BTBD1: variants seen among roughly 807,000 people sequenced by gnomAD.
BTBD1 encodes BTB/POZ domain-containing protein 1.
In BTBD1, 34 loss-of-function variants were observed where a neutral mutation model predicts 48.0. The ratio of observed to expected loss-of-function variants is 0.71; its 90% CI spans 0.54 to 0.94. BTBD1 has a LOEUF of 0.94. Among genes scored for constraint, BTBD1 ranks in the 40% least tolerant of loss-of-function variants. BTBD1 has a pLI of 0.00. For missense variants in BTBD1, 543 were observed against 625.6 expected (o/e 0.87, Z 1.41); for synonymous variants, 261 against 242.1 (o/e 1.08, Z -0.72).
At chr15:83,066,686 G>A (rs1411953632) in intron 1 of BTBD1, 65 bp downstream of exon 1, 1 of 1,264,502 alleles carries the variant, frequency 7.9e-7, no homozygotes. Flanking sequence ...GCCGGGCCCC[G>A]GGGATCTCCC....
intron 3 of BTBD1, chr15:83,044,797 A>C (rs2032844730): frequency 5.3e-6 from 7 of 1,317,216 alleles, no homozygotes; most frequent in Non-Finnish European, 6.5e-6. Flanking sequence ...TTTGGACAGG[A>C]GTTAACTAAT....
chr15:83,022,963 C>A (rs2032330662), intron 5 of BTBD1, among the ~76,000 whole-genome samples: 1 of 151,906 alleles, frequency 6.6e-6, no homozygotes, highest in East Asian at 1.9e-4. Context: ...CCACCTCAAT[C>A]AATAAATAAA....
intron 3 of BTBD1, among the ~76,000 whole-genome samples, chr15:83,048,240 G>C (rs989965077): frequency 1.3e-5 from 2 of 152,274 alleles, no homozygotes; most frequent in Non-Finnish European, 2.9e-5. Flanking sequence ...TGTTAAGGAA[G>C]ACTGAAAACA....
rs185470655 is a variant in BTBD1, at chr15:83,051,785, T to C, written c.559-1607A>G. ...CAAATTTATAGAAAAGTTGAAAAGA[T>C]AGTGCAATGAAAACCCATATACCCT... On this transcript the variant is annotated intron_variant, in intron 2 of 7. Transcript: ENST00000261721. Among the ~76,000 whole-genome samples, 311 of 151,998 alleles carry C rather than the reference T, an allele frequency of 2.0e-3. 5 individuals are homozygous for C. The South Asian group carries it at 0.021, about 10-fold the overall frequency.
chr15:83,066,424 T>C (rs575660813), intron 1 of BTBD1, among the ~76,000 whole-genome samples: 174 of 152,334 alleles, frequency 1.1e-3, no homozygotes, highest in African/African-American at 4.0e-3. Context: ...GACAACCTGA[T>C]CTGCCCCTCT....
chr15:83,050,111 T>C lies in BTBD1; in HGVS notation c.626A>G (p.Asp209Gly), dbSNP rs1482826660. 1.2e-6 allele frequency: 2 copies of C among 1,613,124 alleles called. No individual in the cohort carries two copies. Among genetic ancestry groups the C allele is most frequent in the Non-Finnish European group, 8.5e-7 (1 of 1,179,442 alleles). Residue 209 changes from aspartate (D) to glycine (G), a missense_variant, in exon 3 of 8, where the codon GAT (aspartate) becomes GGT (glycine). Physicochemically the swap from Asp to Gly is moderately conservative, Grantham distance 94. Around this residue, in one of 3 missense-constraint regions of BTBD1, gnomAD observed 300 missense variants for 350.0 expected, o/e 0.86. Coordinates refer to ENST00000261721, the MANE Select transcript of BTBD1 (RefSeq NM_025238.4). ...CLDTIDKSTM[D>G]AISAEGFTDI... ...AGTAAACCCTTCTGCACTTATTGCATCCATTGTGCTTTTGTCTATTGTATC... is the reference window on the plus strand; with the variant it reads ...AGTAAACCCTTCTGCACTTATTGCACCCATTGTGCTTTTGTCTATTGTATC...
At chr15:83,051,473 A>ATT (rs1312954762) in intron 2 of BTBD1, among the ~76,000 whole-genome samples, 2 of 147,504 alleles carry the variant, frequency 1.4e-5, no homozygotes, top group South Asian at 4.2e-4. Context: ...TATTTTAAAA[A>ATT]TTATATATAT....
rs150931840 is a variant in BTBD1, at chr15:83,052,374, T to C, written c.559-2196A>G. Reference sequence around the variant, plus strand: ...GGATTTTTGGTGTGAGCCATCAGGTTTGAAGGGCTTTTACTCTTAAATTTC... The same window carrying C: ...GGATTTTTGGTGTGAGCCATCAGGTCTGAAGGGCTTTTACTCTTAAATTTC... On this transcript the variant is annotated intron_variant, in intron 2 of 7. Coordinates refer to ENST00000261721, the MANE Select transcript of BTBD1 (RefSeq NM_025238.4). Among the ~76,000 whole-genome samples, 572 of 152,192 alleles carry C rather than the reference T, an allele frequency of 3.8e-3. 10 individuals carry two copies. Among genetic ancestry groups the C allele is most frequent in the Admixed American group, 0.035 (529 of 15,288 alleles).
intron 3 of BTBD1, chr15:83,044,755 A>T: frequency 6.9e-7 from 1 of 1,446,392 alleles, no homozygotes; most frequent in Admixed American, 1.7e-5. Flanking sequence ...ACTCGGATCT[A>T]TGAAAAAGTA....
rs758662134 is a variant in BTBD1 at position 83,056,549 on chromosome 15, G to A, written c.402-4C>T. The A allele has an allele frequency of 2.5e-6, 4 of 1,612,468 alleles. No individual in the cohort carries two copies. Among genetic ancestry groups the A allele is most frequent in the African/African-American group, 1.3e-5 (1 of 75,008 alleles). Reference sequence around the variant, plus strand: ...AACTTCATCTGAATATAGAAATCTGGAAAACAATTGGCATATTTGCAGAGA... The same window carrying A: ...AACTTCATCTGAATATAGAAATCTGAAAAACAATTGGCATATTTGCAGAGA... On this transcript the variant is annotated splice_polypyrimidine_tract_variant and splice_region_variant and intron_variant, in intron 1 of 7. Transcript: ENST00000261721.
chr15:83,033,823 C>T lies in BTBD1; in HGVS notation c.863-3495G>A, dbSNP rs930116094. Among the ~76,000 whole-genome samples the T allele has an allele frequency of 6.6e-5, 10 of 152,142 alleles. No homozygotes were observed. In the East Asian group the frequency reaches 7.7e-4, roughly 12 times the overall value. On this transcript the variant is annotated intron_variant, in intron 4 of 7. Coordinates refer to ENST00000261721, the MANE Select transcript of BTBD1 (RefSeq NM_025238.4). ...CTTGAACTCGACTCAAACAATCTAC[C>T]TGCCTCAGCCTCCCAAAGTGCTGGG...
intron 3 of BTBD1, among the ~76,000 whole-genome samples, chr15:83,042,351 TATATA>T (rs2032779784): frequency 7.8e-5 from 7 of 90,130 alleles, no homozygotes; most frequent in African/African-American, 2.3e-4. Flanking sequence ...GGCAATTTTA[TATATA>T]TATATATATA....
In BTBD1 at chr15:83,067,242, C is replaced by G; in HGVS notation, c.-91G>C. ...GAGGCCGGCGCTGCCTCCCTGCCTT[C>G]CGGGAAAGGCGCTTCCGGGGGCCTC... is the stretch of plus-strand genomic sequence containing the variant. On this transcript the variant is annotated 5_prime_UTR_variant, in exon 1 of 8. Transcript: ENST00000261721. The G allele has an allele frequency of 8.0e-7, 1 of 1,254,540 alleles. No homozygotes were observed. Among genetic ancestry groups the G allele is most frequent in the Non-Finnish European group, 1.0e-6 (1 of 982,944 alleles). The allele number at this position is 1,254,540 out of a possible 1,614,324, so 77.7% of individuals were successfully genotyped here.
At chr15:83,055,929 C>A (rs1318532397) in intron 2 of BTBD1, among the ~76,000 whole-genome samples, 2 of 152,120 alleles carry the variant, frequency 1.3e-5, no homozygotes, top group Admixed American at 6.5e-5. Flanking sequence ...TGATTCAGCA[C>A]CGTATTAACT....
At chr15:83,019,054 G>A (rs1596418823) in intron 6 of BTBD1, among the ~76,000 whole-genome samples, 1 of 148,690 alleles carries the variant, frequency 6.7e-6, no homozygotes, top group Non-Finnish European at 1.5e-5. Flanking sequence ...CTGTTGGTGG[G>A]TGTGTGTGTG....
At chr15:83,060,860 G>C (rs2033165182) in intron 1 of BTBD1, among the ~76,000 whole-genome samples, 1 of 152,120 alleles carries the variant, frequency 6.6e-6, no homozygotes, top group African/African-American at 2.4e-5. Context: ...TTTTATATAA[G>C]AATGATCACA....
chr15:83,041,791 C>G lies in BTBD1; in HGVS notation c.799G>C (p.Val267Leu). The change falls in exon 4 of 8, where the codon GTT (valine) becomes CTT (leucine). Residue 267 changes from valine (V) to leucine (L), a missense_variant. By Grantham distance (32) the Val-to-Leu change is conservative. This residue lies in a region of BTBD1 where 300 missense variants were observed against 350.0 expected (regional missense o/e 0.86). Coordinates refer to ENST00000261721, the MANE Select transcript of BTBD1 (RefSeq NM_025238.4). ...ATTAAGGAAAGTGCTTTTCCTAGAA[C>G]TTTTTGTTTATTCCCAAAAGTCACA... ...LPVTFGNKQK[V>L]LGKALSLIRF... is the part of the protein sequence containing the mutation. The G allele has an allele frequency of 6.2e-7, 1 of 1,614,188 alleles. No homozygotes were observed. The highest frequency in any genetic ancestry group is 8.5e-7 in the Non-Finnish European group (1 of 1,180,020).
intron 5 of BTBD1, among the ~76,000 whole-genome samples, chr15:83,027,281 G>A (rs998804662): frequency 6.6e-6 from 1 of 152,232 alleles, no homozygotes; most frequent in Non-Finnish European, 1.5e-5. Context: ...GAACCTGGGA[G>A]GTGGACGTTG....
At chr15:83,020,395 G>A in intron 6 of BTBD1, 1 of 275,564 alleles carries the variant, frequency 3.6e-6, no homozygotes, top group Non-Finnish European at 6.7e-6. Flanking sequence ...AAAGGCAGGA[G>A]GATGTTTTAA....
Sources: gnomAD v4.1 joint callset for allele counts (sites outside exome capture counted in the v4.1 genomes callset) on GRCh38, gnomAD v4.1.1 for gene constraint, gnomAD v4.1.1 regional missense constraint, MANE v1.5 for transcripts, NCBI Gene and HGNC (gene_info 2026-07-23, HGNC 2026-07-21) for gene names.